The following ADCY1 variants were observed in gnomAD, a reference collection of about 807,000 sequenced individuals.
ADCY1 encodes adenylate cyclase type 1.
A neutral mutation model predicts 105.4 loss-of-function variants in ADCY1; 28 were observed. That is an observed-to-expected ratio of 0.27 (90% CI 0.20 to 0.36). The LOEUF is 0.36. ADCY1 is among the 10% of genes least tolerant of loss of function. The pLI, the probability that ADCY1 is intolerant of heterozygous loss-of-function variation, is 1.00. For synonymous variants in ADCY1, 655 were observed against 623.8 expected, an observed-to-expected ratio of 1.05 and a Z score of -0.75; for missense variants, 977 against 1,434.2, an observed-to-expected ratio of 0.68 and a Z score of 5.15.
Position 45,700,441 on chromosome 7 carries a change from CTA to C in ADCY1, c.2455-2933_2455-2932del, listed in dbSNP as rs1784976020. Among the ~76,000 whole-genome samples the C allele has an allele frequency of 3.3e-5, 5 of 152,314 alleles. No homozygotes were observed. The South Asian group carries it at 1.0e-3, about 32-fold the overall frequency. ...GTTCCTCTAACCTTGGGGCTGAAGA[CTA>C]TTGTCTTAGCTGCTGCTGTGCTTGG... is the stretch of plus-strand genomic sequence containing the variant. On this transcript the variant is annotated intron_variant, in intron 14 of 19. Transcript: ENST00000297323.
intron 1 of ADCY1, among the ~76,000 whole-genome samples, chr7:45,588,493 A>G (rs981571206): frequency 2.0e-5 from 3 of 152,224 alleles, no homozygotes; most frequent in Non-Finnish European, 4.4e-5. Flanking sequence ...ATATGTGCAC[A>G]CACATTTCTA....
chr7:45,682,515 G>A (rs1784579664), intron 11 of ADCY1, among the ~76,000 whole-genome samples: 1 of 152,178 alleles, frequency 6.6e-6, no homozygotes, highest in South Asian at 2.1e-4. Flanking sequence ...GGCACATTCA[G>A]AGGCCCTTGG....
chr7:45,595,607 C>T (rs2115793275), intron 2 of ADCY1, among the ~76,000 whole-genome samples: 1 of 152,344 alleles, frequency 6.6e-6, no homozygotes, highest in South Asian at 2.1e-4. Context: ...CACTGTATAA[C>T]AGAGACACTG....
rs193234689 is a variant in ADCY1 at position 45,590,481 on chromosome 7, C to T, written c.640-2278C>T. 2.0e-4 allele frequency among the ~76,000 whole-genome samples: 31 copies of T among 152,218 alleles called. No individual in the cohort carries two copies. In the East Asian group the frequency reaches 5.0e-3, roughly 25 times the overall value. The stretch of plus-strand genomic sequence containing the variant: ...CCAGTGCCCCATGTGTCCGATGGCC[C>T]CTGGGTCTTCCAGCTCCCTGCTCTG... On this transcript the variant is annotated intron_variant, in intron 1 of 19. Coordinates refer to ENST00000297323, the MANE Select transcript of ADCY1 (RefSeq NM_021116.4).
chr7:45,644,994 CAT>C (rs1455589452), intron 4 of ADCY1, among the ~76,000 whole-genome samples: 2 of 152,148 alleles, frequency 1.3e-5, no homozygotes, highest in Non-Finnish European at 2.9e-5. Flanking sequence ...TCCAGAGACT[CAT>C]GTGTGATGCT....
intron 17 of ADCY1, among the ~76,000 whole-genome samples, chr7:45,706,864 GA>G (rs200621056): frequency 4.0e-5 from 6 of 150,958 alleles, no homozygotes; most frequent in South Asian, 4.2e-4. Context: ...CAACAAGGGA[GA>G]AAAAAAAACC....
At chr7:45,584,274 G>A (rs1792652973) in intron 1 of ADCY1, among the ~76,000 whole-genome samples, 2 of 152,102 alleles carry the variant, frequency 1.3e-5, no homozygotes, top group Non-Finnish European at 2.9e-5. Flanking sequence ...GACATGGTTC[G>A]CCTGATTGCC....
Position 45,686,578 on chromosome 7 carries a change from C to G in ADCY1, c.2359C>G (p.Pro787Ala), listed in dbSNP as rs774400531. ...TGCCGTCTCCGGGCGCAGCTACGAG[C>G]CGATTGTGGCCATCCTGCTCTTCTC... Reference protein sequence around the residue: ...GGAVSGRSYEPIVAILLFSCA... With the variant: ...GGAVSGRSYEAIVAILLFSCA... Residue 787 changes from proline to alanine, a missense_variant, in exon 14 of 20, where the codon CCG becomes GCG. Physicochemically the swap from Pro to Ala is conservative, Grantham distance 27 (BLOSUM62 -1). Around this residue, in one of 7 missense-constraint regions of ADCY1, gnomAD observed 275 missense variants for 362.1 expected, o/e 0.76. Transcript: ENST00000297323. The surrounding 1 kb of genome is among the most constrained non-coding windows in gnomAD (Gnocchi z 4.3). The G allele has an allele frequency of 1.2e-5, 20 of 1,613,066 alleles. No homozygotes were observed. Among genetic ancestry groups the G allele is most frequent in the Middle Eastern group, 1.6e-4 (1 of 6,078 alleles).
intron 14 of ADCY1, among the ~76,000 whole-genome samples, chr7:45,690,183 A>G (rs1243819958): frequency 1.3e-5 from 2 of 152,182 alleles, no homozygotes. Context: ...ACTGTTGGCC[A>G]TCAAGTGAGG....
At chr7:45,677,591 TC>T (rs1346636094) in intron 8 of ADCY1, among the ~76,000 whole-genome samples, 1 of 152,142 alleles carries the variant, frequency 6.6e-6, no homozygotes, top group East Asian at 1.9e-4. Context: ...GATGCTGTTC[TC>T]CCCACTGCAA....
At chr7:45,712,119 A>G (rs1314839227) in intron 19 of ADCY1, among the ~76,000 whole-genome samples, 1 of 135,756 alleles carries the variant, frequency 7.4e-6, no homozygotes, top group African/African-American at 2.7e-5. Context: ...AATTTTATAA[A>G]TTTTTATATT....
intron 6 of ADCY1, 51 bp from the exon 7 acceptor site, chr7:45,659,991 C>CT (rs943189284): frequency 3.1e-6 from 5 of 1,609,826 alleles, no homozygotes; most frequent in East Asian, 2.2e-5. Flanking sequence ...CCTGCAGACT[C>CT]TGACAGCAGT....
chr7:45,650,516 G>T (rs1376302651), intron 5 of ADCY1, among the ~76,000 whole-genome samples: 4 of 152,138 alleles, frequency 2.6e-5, no homozygotes, highest in African/African-American at 9.7e-5. Flanking sequence ...GCTGAGCACA[G>T]ACACAAGCAG....
intron 2 of ADCY1, among the ~76,000 whole-genome samples, chr7:45,594,722 A>T (rs771489815): frequency 3.2e-4 from 49 of 152,118 alleles, no homozygotes; most frequent in Non-Finnish European, 4.1e-4. Context: ...CCTCAGCCCT[A>T]TGGAGGAGGC....
chr7:45,672,549 G>A (rs1319918834), intron 8 of ADCY1, among the ~76,000 whole-genome samples: 1 of 151,240 alleles, frequency 6.6e-6, no homozygotes, highest in African/African-American at 2.4e-5. Flanking sequence ...TTTACATCTT[G>A]TATTTTATTT....
intron 1 of ADCY1, among the ~76,000 whole-genome samples, chr7:45,584,219 C>T (rs1792651028): frequency 6.6e-6 from 1 of 152,150 alleles, no homozygotes; most frequent in Non-Finnish European, 1.5e-5. Flanking sequence ...GCTGGGATTA[C>T]AGATGTGAGC....
chr7:45,679,388 T>G (rs913571408), intron 10 of ADCY1, among the ~76,000 whole-genome samples: 63 of 152,176 alleles, frequency 4.1e-4, no homozygotes, highest in African/African-American at 1.5e-3. Flanking sequence ...CTCTTGTCTT[T>G]CCATCATGAG....
intron 1 of ADCY1, among the ~76,000 whole-genome samples, chr7:45,579,373 T>C (rs2115702411): frequency 6.6e-6 from 1 of 152,186 alleles, no homozygotes; most frequent in African/African-American, 2.4e-5. Context: ...CTCCTCTGGC[T>C]GGGCCTTCCT....
In ADCY1 at chr7:45,686,670, A is replaced by G. The variant is rs766503993; in HGVS notation, c.2451A>G (p.Ala817=). The G allele has an allele frequency of 2.5e-6, 4 of 1,605,040 alleles. No individual in the cohort carries two copies. Among genetic ancestry groups the G allele is most frequent in the South Asian group, 2.2e-5 (2 of 90,312 alleles). Residue 817 remains alanine, a synonymous_variant, in exon 14 of 20, where the codon GCA becomes GCG. Transcript: ENST00000297323. The surrounding 1 kb of genome is among the most constrained non-coding windows in gnomAD (Gnocchi z 4.3). ...IRLRLDYLWA[A]QAEEEREDME... ...TGAGGCTGGACTACCTCTGGGCCGCACAGGCAAGACGAGCCCTTTCTGCTT... is the reference window on the plus strand; with the variant it reads ...TGAGGCTGGACTACCTCTGGGCCGCGCAGGCAAGACGAGCCCTTTCTGCTT...
Sources: allele counts gnomAD v4.1 joint callset (sites outside exome capture counted in the v4.1 genomes callset), GRCh38; gene constraint gnomAD v4.1.1; regional missense constraint gnomAD v4.1.1; non-coding constraint Gnocchi (gnomAD v3.1); transcripts MANE v1.5; gene names NCBI Gene and HGNC (gene_info 2026-07-23, HGNC 2026-07-21).